Variants in UNC13C observed in about 807,000 individuals in gnomAD.
UNC13C encodes the protein protein unc-13 homolog C.
A neutral mutation model predicts 245.4 loss-of-function variants in UNC13C; 174 were observed. The ratio of observed to expected loss-of-function variants is 0.71; its 90% CI spans 0.63 to 0.80. The LOEUF (loss-of-function observed/expected upper bound fraction) is 0.80. Ranked by LOEUF, UNC13C falls within the 30% of genes least tolerant of loss-of-function variation. The pLI, the probability that UNC13C is intolerant of heterozygous loss-of-function variation, is 0.00. For synonymous variants in UNC13C, 992 were observed against 895.1 expected (o/e 1.11, Z -1.93); for missense variants, 2,829 against 2,602.9 (o/e 1.09, Z -1.89).
At chr15:54,614,935 G>GCTAT (rs1900331870) in intron 30 of UNC13C, among the ~76,000 whole-genome samples, 1 of 152,020 alleles carries the variant, frequency 6.6e-6, no homozygotes, top group South Asian at 2.1e-4. Context: ...TCAGAGAGAA[G>GCTAT]CTATCTCCAG....
At chr15:53,999,381 A>T (rs1173829236) in intron 1 of UNC13C, among the ~76,000 whole-genome samples, 1 of 151,910 alleles carries the variant, frequency 6.6e-6, no homozygotes, top group African/African-American at 2.4e-5. Flanking sequence ...AGGAATTGAT[A>T]TATTTTATCC....
intron 8 of UNC13C, among the ~76,000 whole-genome samples, chr15:54,262,366 G>A (rs12911131): frequency 0.28 from 41,956 of 152,040 alleles, 6,046 homozygotes; most frequent in African/African-American, 0.34. Flanking sequence ...TTGCCTGGCT[G>A]TCACAGACCA....
At chr15:54,031,387 CTAAT>C in intron 2 of UNC13C, among the ~76,000 whole-genome samples, 1 of 152,156 alleles carries the variant, frequency 6.6e-6, no homozygotes, top group Non-Finnish European at 1.5e-5. Flanking sequence ...CCGCGCCTGG[CTAAT>C]TTTTTGTATT....
the UNC13C span, among the ~76,000 whole-genome samples, chr15:53,915,878 GGTACATATAGATGCATGGAAAAGTACTT>G: frequency 6.6e-6 from 1 of 152,066 alleles, no homozygotes; most frequent in African/African-American, 2.4e-5. Context: ...TATGAATTAA[GGTACATATAGATGCATGGAAAAGTACTT>G]GTGGGATGAT....
At chr15:54,067,741 A>G (rs982495550) in intron 2 of UNC13C, among the ~76,000 whole-genome samples, 5 of 152,218 alleles carry the variant, frequency 3.3e-5, no homozygotes, top group African/African-American at 1.2e-4. Flanking sequence ...CTGAGATTAG[A>G]TAATTCCTAA....
chr15:53,986,783 CT>C (rs1894162561), intron 1 of UNC13C, among the ~76,000 whole-genome samples: 1 of 151,910 alleles, frequency 6.6e-6, no homozygotes, highest in Non-Finnish European at 1.5e-5. Flanking sequence ...TACTGTACTA[CT>C]TAACATCAGA....
intron 2 of UNC13C, among the ~76,000 whole-genome samples, chr15:54,019,493 C>CA (rs1362488345): frequency 6.6e-6 from 1 of 152,128 alleles, no homozygotes; most frequent in Non-Finnish European, 1.5e-5. Flanking sequence ...TTGTAGAGTG[C>CA]AATAAATACT....
intron 14 of UNC13C, among the ~76,000 whole-genome samples, chr15:54,331,271 A>G (rs1352410227): frequency 6.6e-6 from 1 of 152,018 alleles, no homozygotes; most frequent in Non-Finnish European, 1.5e-5. Context: ...GTGTCTACCT[A>G]TAAGGTTTGT....
intron 18 of UNC13C, among the ~76,000 whole-genome samples, chr15:54,411,448 C>A (rs2040414687): frequency 6.6e-6 from 1 of 152,072 alleles, no homozygotes; most frequent in African/African-American, 2.4e-5. Flanking sequence ...ACTATGTTTT[C>A]TTTCAGAAGT....
intron 2 of UNC13C, among the ~76,000 whole-genome samples, chr15:54,037,272 G>C (rs1330887641): frequency 6.6e-6 from 1 of 152,160 alleles, no homozygotes; most frequent in Non-Finnish European, 1.5e-5. Flanking sequence ...CCGGTGATGT[G>C]GTTTAAAGTA....
chr15:53,985,069 T>C (rs1302233966), intron 1 of UNC13C, among the ~76,000 whole-genome samples: 1 of 151,908 alleles, frequency 6.6e-6, no homozygotes, highest in Non-Finnish European at 1.5e-5. Flanking sequence ...GCTGCACCTA[T>C]TGACCCATCC....
At chr15:54,199,938 A>G (rs889336839) in intron 4 of UNC13C, among the ~76,000 whole-genome samples, 3 of 152,112 alleles carry the variant, frequency 2.0e-5, no homozygotes, top group Non-Finnish European at 2.9e-5. Flanking sequence ...TGCTATTTTC[A>G]GGAGACTGAT....
At chr15:54,024,060 A>T (rs972551711) in intron 2 of UNC13C, among the ~76,000 whole-genome samples, 1 of 152,220 alleles carries the variant, frequency 6.6e-6, no homozygotes, top group Non-Finnish European at 1.5e-5. Context: ...CTAATCAATT[A>T]TGATGAATTA....
intron 2 of UNC13C, among the ~76,000 whole-genome samples, chr15:54,043,155 A>AT (rs995042508): frequency 7.2e-5 from 11 of 152,086 alleles, no homozygotes; most frequent in South Asian, 2.1e-4. Flanking sequence ...AAAACCATAT[A>AT]TTTTTTTTCA....
chr15:54,314,676 T>G (rs986911420), intron 13 of UNC13C, among the ~76,000 whole-genome samples: 2 of 151,744 alleles, frequency 1.3e-5, no homozygotes, highest in African/African-American at 4.8e-5. Flanking sequence ...ACAAAAACAA[T>G]TAAGTATTTA....
intron 30 of UNC13C, among the ~76,000 whole-genome samples, chr15:54,589,771 T>G (rs1375593799): frequency 6.6e-6 from 1 of 152,224 alleles, no homozygotes; most frequent in African/African-American, 2.4e-5. Flanking sequence ...CTGCTGACTG[T>G]TCTTTTTGCC....
At chr15:54,037,844 AT>A (rs756014484) in intron 2 of UNC13C, among the ~76,000 whole-genome samples, 1 of 151,408 alleles carries the variant, frequency 6.6e-6, no homozygotes, top group East Asian at 1.9e-4. Context: ...CTATTAATGT[AT>A]TTTTTATTAA....
intron 2 of UNC13C, among the ~76,000 whole-genome samples, chr15:54,087,281 C>T (rs1899299322): frequency 6.6e-6 from 1 of 152,088 alleles, no homozygotes; most frequent in South Asian, 2.1e-4. Flanking sequence ...ATCACTAGTT[C>T]ATCATCAGTA....
At chr15:54,513,032 A>G (rs1381753233) in intron 24 of UNC13C, among the ~76,000 whole-genome samples, 1 of 152,168 alleles carries the variant, frequency 6.6e-6, no homozygotes, top group Non-Finnish European at 1.5e-5. Flanking sequence ...TCTCAGTTTT[A>G]TTTGTATAAA....
Sources: allele counts gnomAD v4.1 joint callset (sites outside exome capture counted in the v4.1 genomes callset), GRCh38; gene constraint gnomAD v4.1.1; transcripts MANE v1.5; gene names NCBI Gene and HGNC (gene_info 2026-07-23, HGNC 2026-07-21).